The following RASSF8 variants were observed in gnomAD, a reference collection of about 807,000 sequenced individuals.
RASSF8 encodes ras association domain-containing protein 8.
Under a neutral mutation model 48.5 loss-of-function variants are expected in RASSF8, and 22 were observed. That is an observed-to-expected ratio of 0.45 (90% confidence interval 0.32 to 0.65). The LOEUF is 0.65. RASSF8 is among the 30% of genes least tolerant of loss of function. The probability of loss-of-function intolerance (pLI) is 0.03; values close to 1 mark genes in which losing one functional copy is unlikely to be tolerated. For synonymous variants in RASSF8, 127 were observed against 171.5 expected (o/e 0.74, Z 2.03); for missense variants, 418 against 489.2 (o/e 0.85, Z 1.37).
chr12:26,024,698 C>T (rs996118699), intron 2 of RASSF8, among the ~76,000 whole-genome samples: 3 of 152,176 alleles, frequency 2.0e-5, no homozygotes, highest in Non-Finnish European at 2.9e-5. Flanking sequence ...GGCTCACGCC[C>T]GTAATACCAG....
chr12:26,064,087 T>G (rs1331422634), intron 3 of RASSF8, among the ~76,000 whole-genome samples: 1 of 152,198 alleles, frequency 6.6e-6, no homozygotes, highest in African/African-American at 2.4e-5. Context: ...TATTTGAGTT[T>G]TGAAGTTCCA....
chr12:25,985,482 G>C (rs950876414), intron 1 of RASSF8, among the ~76,000 whole-genome samples: 6 of 152,208 alleles, frequency 3.9e-5, no homozygotes, highest in African/African-American at 7.2e-5. Context: ...GCAGTGCAGG[G>C]GTCCAGTTCA....
At chr12:25,987,102 T>C (rs987987703) in intron 1 of RASSF8, among the ~76,000 whole-genome samples, 1 of 152,074 alleles carries the variant, frequency 6.6e-6, no homozygotes, top group African/African-American at 2.4e-5. Flanking sequence ...GCCCAGCTAA[T>C]TTTGTATTTT....
At chr12:26,048,588 T>A (rs1018832193) in intron 2 of RASSF8, among the ~76,000 whole-genome samples, 7 of 152,220 alleles carry the variant, frequency 4.6e-5, no homozygotes, top group Admixed American at 1.3e-4. Flanking sequence ...GACTGAATTG[T>A]ACATTTCTGT....
chr12:26,025,296 G>A (rs182196417), intron 2 of RASSF8, among the ~76,000 whole-genome samples: 5 of 152,110 alleles, frequency 3.3e-5, no homozygotes, highest in Admixed American at 2.6e-4. Context: ...GGTGGCTCAC[G>A]CCTGTAATCC....
intron 1 of RASSF8, among the ~76,000 whole-genome samples, chr12:25,990,340 A>G (rs545814004): frequency 6.2e-4 from 95 of 152,290 alleles, no homozygotes; most frequent in African/African-American, 2.1e-3. Context: ...ATTTGATACT[A>G]TTGTTACTAG....
intron 2 of RASSF8, chr12:26,052,665 A>T (rs1943516873): frequency 6.6e-6 from 1 of 152,162 alleles, no homozygotes; most frequent in African/African-American, 2.4e-5. Context: ...GTTGGAGTTG[A>T]TATAAAGATC....
At chr12:26,039,837 C>T (rs1319603146) in intron 2 of RASSF8, among the ~76,000 whole-genome samples, 1 of 152,162 alleles carries the variant, frequency 6.6e-6, no homozygotes, top group African/African-American at 2.4e-5. Flanking sequence ...AAAGGTATAA[C>T]TAATGGCTTA....
intron 2 of RASSF8, among the ~76,000 whole-genome samples, chr12:26,046,667 C>T (rs1943379212): frequency 2.3e-5 from 1 of 43,866 alleles, no homozygotes; most frequent in African/African-American, 6.8e-5. Flanking sequence ...GAGACCCCAT[C>T]TCTTTAAAAA....
intron 2 of RASSF8, among the ~76,000 whole-genome samples, chr12:26,030,756 G>A (rs1943013745): frequency 6.6e-6 from 1 of 151,874 alleles, no homozygotes; most frequent in African/African-American, 2.4e-5. Context: ...AACAAAGTTA[G>A]GACTTAAAAA....
In RASSF8 at chr12:26,071,554, G is replaced by GC; in HGVS notation, c.*2739dup. The GC allele has an allele frequency of 1.0e-6, 1 of 979,516 alleles. No homozygotes were observed. The highest frequency in any genetic ancestry group is 1.2e-6 in the Non-Finnish European group (1 of 824,584). 60.7% of individuals were successfully genotyped at this position (979,516 alleles called of 1,614,324 possible). On this transcript the variant is annotated 3_prime_UTR_variant, in exon 6 of 6. Coordinates refer to ENST00000689635, the MANE Select transcript of RASSF8 (RefSeq NM_001394098.1). ...GAGTGTCTGTCATCCTCAGAGAATG[G>GC]CCCATAGTGTGTTGCCTGTGGACAT...
At chr12:25,986,867 T>C (rs1941890855) in intron 1 of RASSF8, among the ~76,000 whole-genome samples, 1 of 152,216 alleles carries the variant, frequency 6.6e-6, no homozygotes, top group Non-Finnish European at 1.5e-5. Context: ...ACACTGTCAC[T>C]TGTGTATTGC....
At chr12:26,047,990 A>C (rs1185633078) in intron 2 of RASSF8, among the ~76,000 whole-genome samples, 1 of 152,228 alleles carries the variant, frequency 6.6e-6, no homozygotes, top group African/African-American at 2.4e-5. Context: ...GTAAGGGTCC[A>C]TTTAAAGGAA....
intron 2 of RASSF8, among the ~76,000 whole-genome samples, chr12:26,046,315 A>G (rs1943372144): frequency 6.6e-6 from 1 of 152,198 alleles, no homozygotes; most frequent in African/African-American, 2.4e-5. Context: ...TAATAACTTT[A>G]TTTCATGAAT....
At chr12:25,986,655 A>G (rs1194076648) in intron 1 of RASSF8, among the ~76,000 whole-genome samples, 1 of 152,148 alleles carries the variant, frequency 6.6e-6, no homozygotes, top group East Asian at 1.9e-4. Flanking sequence ...GTTTCCCTCT[A>G]AATTGTGTAG....
chr12:25,961,013 TTTTA>T (rs908446722), intron 1 of RASSF8, among the ~76,000 whole-genome samples: 5 of 152,240 alleles, frequency 3.3e-5, no homozygotes, highest in African/African-American at 7.2e-5. Flanking sequence ...TTGTTTTGCC[TTTTA>T]TTTATTTTTT....
intron 2 of RASSF8, among the ~76,000 whole-genome samples, chr12:26,028,083 G>C (rs1375471889): frequency 6.6e-6 from 1 of 152,192 alleles, no homozygotes; most frequent in Non-Finnish European, 1.5e-5. Flanking sequence ...TGGTAAAGCA[G>C]GGGACAGATT....
chr12:26,076,530 C>T (rs1309349183), downstream of RASSF8, among the ~76,000 whole-genome samples: 1 of 152,122 alleles, frequency 6.6e-6, no homozygotes, highest in Non-Finnish European at 1.5e-5. Flanking sequence ...GTTTTCTGTC[C>T]TTGTGATAGT....
chr12:26,071,204 A>G lies in RASSF8; in HGVS notation c.*2386A>G, dbSNP rs1035369020. 6.0e-5 allele frequency: 59 copies of G among 980,710 alleles called. No homozygotes were observed. In the African/African-American group the frequency reaches 9.8e-4, roughly 16 times the overall value. The allele number at this position is 980,710 out of a possible 1,614,324, so 60.8% of individuals were successfully genotyped here. On this transcript the variant is annotated 3_prime_UTR_variant, in exon 6 of 6. Coordinates refer to ENST00000689635, the MANE Select transcript of RASSF8 (RefSeq NM_001394098.1). ...CTCAGAGGGAAAAAAACTCGTTTTCATAGGATCATCTGAAGATACTTTAGT... is the reference window on the plus strand; with the variant it reads ...CTCAGAGGGAAAAAAACTCGTTTTCGTAGGATCATCTGAAGATACTTTAGT...
Sources: gnomAD v4.1 joint callset for allele counts (sites outside exome capture counted in the v4.1 genomes callset) on GRCh38, gnomAD v4.1.1 for gene constraint, MANE v1.5 for transcripts, NCBI Gene and HGNC (gene_info 2026-07-23, HGNC 2026-07-21) for gene names.